Variants in CLIC5 observed in about 807,000 individuals in gnomAD.
The protein encoded by CLIC5 is CLIC family member 5.
CLIC5 carries 20 observed loss-of-function variants against 24.7 expected under a neutral mutation model. The observed-to-expected ratio is 0.81, with a 90% CI of 0.57 to 1.18. The LOEUF (loss-of-function observed/expected upper bound fraction) is 1.18. Ranked by LOEUF, CLIC5 falls within the 50% of genes most tolerant of loss-of-function variation. The pLI, the probability that CLIC5 is intolerant of heterozygous loss-of-function variation, is 0.00. For missense variants in CLIC5, 341 were observed against 326.1 expected (o/e 1.05, Z -0.35); for synonymous variants, 159 against 135.6 (o/e 1.17, Z -1.20).
At chr6:46,021,161 A>G (rs1767172278) in intron 1 of CLIC5, among the ~76,000 whole-genome samples, 1 of 151,988 alleles carries the variant, frequency 6.6e-6, no homozygotes, top group Non-Finnish European at 1.5e-5. Flanking sequence ...AACCTAGAAG[A>G]CTTACCAATG....
At chr6:46,116,979 AG>A in the CLIC5 span, among the ~76,000 whole-genome samples, 14 of 152,232 alleles carry the variant, frequency 9.2e-5, no homozygotes, top group African/African-American at 2.7e-4. Context: ...GTGAAAACCA[AG>A]TAAGACTCTA....
intron 1 of CLIC5, among the ~76,000 whole-genome samples, chr6:45,996,262 G>A (rs540718217): frequency 2.6e-5 from 4 of 152,262 alleles, no homozygotes; most frequent in Admixed American, 6.5e-5. Flanking sequence ...TGTCAGATGA[G>A]TAGGTTGCAA....
rs1006248221 is a variant in CLIC5 at position 46,015,751 on chromosome 6, G to A, written c.-209C>T. ...GCTCACATGAAAAGGAGCGAAGCCG[G>A]GAGGAGGCGGGGGGCCACGGGGAAA... On this transcript the variant is annotated 5_prime_UTR_variant, in exon 1 of 6. Coordinates refer to ENST00000339561, the MANE Select transcript of CLIC5 (RefSeq NM_016929.5). 4 of 1,235,046 alleles carry A rather than the reference G, an allele frequency of 3.2e-6. No individual in the cohort carries two copies. The highest frequency in any genetic ancestry group is 4.0e-6 in the Non-Finnish European group (4 of 989,182). 76.5% of individuals were successfully genotyped at this position (1,235,046 alleles called of 1,614,324 possible).
intron 1 of CLIC5, among the ~76,000 whole-genome samples, chr6:45,967,241 T>C (rs1448458292): frequency 2.6e-5 from 4 of 152,230 alleles, no homozygotes. Context: ...CAGATGGGCA[T>C]CTTTACCAAG....
rs1372028664 is a variant in CLIC5 at position 45,899,105 on chromosome 6, G to T, written c.*3983C>A. ...ATGCATACTGACAAAGGGGAAGAAT[G>T]TGTGTTGATGAGGAGGGCACATGTT... On this transcript the variant is annotated 3_prime_UTR_variant, in exon 6 of 6. Coordinates refer to ENST00000339561, the MANE Select transcript of CLIC5 (RefSeq NM_016929.5). The T allele has an allele frequency of 4.6e-5, 7 of 152,202 alleles. No homozygotes were observed. The East Asian group carries it at 1.2e-3, about 25-fold the overall frequency. The allele number at this position is 152,202 out of a possible 1,614,324, so 9.4% of individuals were successfully genotyped here. A position where few individuals can be genotyped will look rare whatever the true frequency, so the allele number is the denominator to read the frequency against.
chr6:45,891,360 G>A (rs572667024), intron 6 of CLIC5, among the ~76,000 whole-genome samples: 25 of 152,086 alleles, frequency 1.6e-4, no homozygotes, highest in South Asian at 1.0e-3. Flanking sequence ...TGTGTGGACC[G>A]GGCGCAGTGG....
At chr6:45,994,311 T>C (rs1219610319) in intron 1 of CLIC5, among the ~76,000 whole-genome samples, 1 of 152,166 alleles carries the variant, frequency 6.6e-6, no homozygotes, top group African/African-American at 2.4e-5. Context: ...TATGCAGTCA[T>C]AAAAATGAAT....
At chr6:45,977,204 C>T (rs1765414040) in intron 1 of CLIC5, among the ~76,000 whole-genome samples, 1 of 152,060 alleles carries the variant, frequency 6.6e-6, no homozygotes, top group Admixed American at 6.6e-5. Context: ...GACTTTGTGG[C>T]CTTTTGGATT....
intron 1 of CLIC5, among the ~76,000 whole-genome samples, chr6:46,069,545 G>A (rs572107523): frequency 4.6e-5 from 7 of 151,776 alleles, no homozygotes; most frequent in Non-Finnish European, 8.8e-5. Flanking sequence ...CCAATAATGC[G>A]TTCCAAAATT....
intron 1 of CLIC5, among the ~76,000 whole-genome samples, chr6:46,077,372 G>A (rs1309683881): frequency 2.0e-5 from 3 of 151,934 alleles, no homozygotes; most frequent in African/African-American, 4.8e-5. Context: ...AAACAGCCCA[G>A]GAGAAGAACA....
In CLIC5 at chr6:45,914,459, T is replaced by C. The variant is rs374992621; in HGVS notation, c.407-50A>G. On this transcript the variant is annotated intron_variant, in intron 4 of 5. Transcript: ENST00000339561. Reference sequence around the variant, plus strand: ...TTTATTCAAACTTCTTGCCAGTGGATACAGTCATAGGGTCTTCAGAGTGGA... The same window carrying C: ...TTTATTCAAACTTCTTGCCAGTGGACACAGTCATAGGGTCTTCAGAGTGGA... 7 of 1,517,966 alleles carry C rather than the reference T, an allele frequency of 4.6e-6. No homozygotes were observed. In the African/African-American group the frequency reaches 8.3e-5, roughly 18 times the overall value. 94.0% of individuals were successfully genotyped at this position (1,517,966 alleles called of 1,614,324 possible).
At chr6:46,010,757 G>GT (rs1205669591) in intron 1 of CLIC5, among the ~76,000 whole-genome samples, 1 of 152,230 alleles carries the variant, frequency 6.6e-6, no homozygotes, top group African/African-American at 2.4e-5. Context: ...CTCCAGGGAT[G>GT]TGTTACCAGG....
chr6:46,104,836 A>C, the CLIC5 span, among the ~76,000 whole-genome samples: 1 of 152,194 alleles, frequency 6.6e-6, no homozygotes, highest in Non-Finnish European at 1.5e-5. Context: ...CAAAGTTAAA[A>C]GCCCTTGTAC....
At chr6:45,938,735 A>C (rs529070609) in intron 4 of CLIC5, among the ~76,000 whole-genome samples, 5 of 152,304 alleles carry the variant, frequency 3.3e-5, no homozygotes, top group Non-Finnish European at 5.9e-5. Flanking sequence ...GATAATATGT[A>C]AACACCATTT....
At chr6:45,996,278 T>C in intron 1 of CLIC5, among the ~76,000 whole-genome samples, 1 of 152,158 alleles carries the variant, frequency 6.6e-6, no homozygotes. Context: ...TGCAAAAATT[T>C]TCTCCCATTT....
At chr6:45,942,369 G>A (rs932502259) in intron 3 of CLIC5, among the ~76,000 whole-genome samples, 5 of 152,214 alleles carry the variant, frequency 3.3e-5, no homozygotes, top group Non-Finnish European at 7.3e-5. Flanking sequence ...GCAGGCTGGA[G>A]TTAGAACGAT....
the CLIC5 span, among the ~76,000 whole-genome samples, chr6:46,088,043 T>G: frequency 2.6e-5 from 4 of 152,102 alleles, no homozygotes; most frequent in Non-Finnish European, 5.9e-5. Flanking sequence ...ATTTTGTGAT[T>G]TGAAGGGTTT....
intron 6 of CLIC5, among the ~76,000 whole-genome samples, chr6:45,886,343 C>T (rs1471325067): frequency 3.9e-5 from 6 of 152,290 alleles, no homozygotes; most frequent in Non-Finnish European, 5.9e-5. Flanking sequence ...CCTCCACCGT[C>T]GGGTGTGCTC....
intron 1 of CLIC5, among the ~76,000 whole-genome samples, chr6:45,984,510 G>C (rs1037406349): frequency 1.3e-5 from 2 of 152,168 alleles, no homozygotes; most frequent in African/African-American, 4.8e-5. Flanking sequence ...CTTGTACTAA[G>C]TGCCCCGCCT....
Sources: gnomAD v4.1 joint callset for allele counts (sites outside exome capture counted in the v4.1 genomes callset) on GRCh38, gnomAD v4.1.1 for gene constraint, MANE v1.5 for transcripts, NCBI Gene and HGNC (gene_info 2026-07-23, HGNC 2026-07-21) for gene names.